The following DNAH2 variants were observed in gnomAD, a reference collection of about 807,000 sequenced individuals.
The protein encoded by DNAH2 is dynein axonemal heavy chain 2.
A neutral mutation model predicts 523.5 loss-of-function variants in DNAH2; 323 were observed. That is an observed-to-expected ratio of 0.62 (90% CI 0.56 to 0.68). The LOEUF (loss-of-function observed/expected upper bound fraction) is 0.68. Ranked by LOEUF, DNAH2 falls within the 30% of genes least tolerant of loss-of-function variation. DNAH2 has a pLI of 0.00. For synonymous variants in DNAH2, 2,093 were observed against 2,177.4 expected (o/e 0.96, Z 1.08); for missense variants, 4,907 against 5,701.5 (o/e 0.86, Z 4.49).
At chr17:7,759,644 C>A in intron 16 of DNAH2, 34 bp downstream of exon 16, 1 of 1,605,614 alleles carries the variant, frequency 6.2e-7, no homozygotes, top group Non-Finnish European at 8.5e-7. Context: ...ATCTCAAAAC[C>A]ATTGCATCTT....
At chr17:7,775,148 A>G in intron 29 of DNAH2, 93 bp from the exon 30 acceptor site, 1 of 1,338,958 alleles carries the variant, frequency 7.5e-7, no homozygotes, top group Admixed American at 2.1e-5. Flanking sequence ...AGGAGGGGAG[A>G]GGAGCAGTAA....
chr17:7,817,499 A>G, intron 65 of DNAH2, 62 bp from the exon 66 acceptor site: 1 of 1,613,406 alleles, frequency 6.2e-7, no homozygotes, highest in East Asian at 2.2e-5. Flanking sequence ...AGATACCGTG[A>G]AGGCGCGGGG....
chr17:7,749,308 C>CAAAAAAA (rs57660603), intron 12 of DNAH2, among the ~76,000 whole-genome samples: 1,719 of 17,732 alleles, frequency 0.097, 797 homozygotes, highest in Middle Eastern at 0.15. Flanking sequence ...AACTCCCCCC[C>CAAAAAAA]AAAAAAAAAA....
chr17:7,788,882 G>T (rs1332354851), intron 44 of DNAH2, among the ~76,000 whole-genome samples: 1 of 152,032 alleles, frequency 6.6e-6, no homozygotes, highest in Non-Finnish European at 1.5e-5. Flanking sequence ...TATGTAGATG[G>T]GGCTGGGCAC....
chr17:7,798,389 G>C lies in DNAH2; in HGVS notation c.8398+65G>C. On this transcript the variant is annotated intron_variant, in intron 54 of 85. Transcript: ENST00000572933. This position sits in a 1 kb window ranked among gnomAD's most constrained non-coding sequence, Gnocchi z 5.5. ...GATGCATACATTCCTGCAGTGACAA[G>C]AGAGGAGAGATGGCAGCCAGATGGG... is the stretch of plus-strand genomic sequence containing the variant. The C allele has an allele frequency of 6.4e-7, 1 of 1,554,880 alleles. No homozygotes were observed. The highest frequency in any genetic ancestry group is 8.7e-7 in the Non-Finnish European group (1 of 1,148,798).
chr17:7,750,447 T>C (rs936396518), intron 12 of DNAH2, among the ~76,000 whole-genome samples: 2 of 152,220 alleles, frequency 1.3e-5, no homozygotes, highest in African/African-American at 2.4e-5. Context: ...TTCCTCTTTT[T>C]TGGTTTACGC....
intron 7 of DNAH2, among the ~76,000 whole-genome samples, chr17:7,735,266 G>C (rs555229557): frequency 6.6e-6 from 1 of 152,006 alleles, no homozygotes; most frequent in South Asian, 2.1e-4. Context: ...GAGTAGCTGA[G>C]ATTACAGGTG....
chr17:7,787,148 G>A, intron 42 of DNAH2, 115 bp downstream of exon 42: 1 of 1,330,176 alleles, frequency 7.5e-7, no homozygotes, highest in Non-Finnish European at 1.0e-6. Context: ...GTGGGAGAGA[G>A]CTGAAAGGTG....
Position 7,765,515 on chromosome 17 carries a change from A to G in DNAH2, c.3461A>G (p.Asp1154Gly), listed in dbSNP as rs146516823. Residue 1154 changes from aspartate to glycine, a missense_variant, in exon 21 of 86, where the codon GAT becomes GGT. Asp to Gly is a moderately conservative substitution (Grantham distance 94). Coordinates refer to ENST00000572933, the MANE Select transcript of DNAH2 (RefSeq NM_020877.5). The stretch of plus-strand genomic sequence containing the variant: ...AAGACAGGCCTGATCCACTCGGCAG[A>G]TGACTTCAAGAAGAAAGCACATACA... ...KFKTGLIHSA[D>G]DFKKKAHTLL... 6.2e-7 allele frequency: 1 copy of G among 1,614,120 alleles called. No individual in the cohort carries two copies. The highest frequency in any genetic ancestry group is 1.3e-5 in the African/African-American group (1 of 74,950).
At chr17:7,825,532 G>A (rs922406589) in intron 77 of DNAH2, among the ~76,000 whole-genome samples, 3 of 152,014 alleles carry the variant, frequency 2.0e-5, no homozygotes, top group African/African-American at 7.2e-5. Context: ...TGCTTTCCCC[G>A]CTGTCTTTTG....
chr17:7,800,122 A>G (rs779426423), intron 56 of DNAH2, among the ~76,000 whole-genome samples: 7 of 151,956 alleles, frequency 4.6e-5, no homozygotes, highest in Non-Finnish European at 1.0e-4. Flanking sequence ...TGTGATCTCG[A>G]CTCACTGCAG....
intron 44 of DNAH2, among the ~76,000 whole-genome samples, chr17:7,789,679 C>T (rs144106780): frequency 4.6e-5 from 7 of 151,468 alleles, no homozygotes; most frequent in Middle Eastern, 3.4e-3. Flanking sequence ...CAGGTTCAAG[C>T]GATTCTCCTG....
Position 7,830,816 on chromosome 17 carries a change from C to G in DNAH2, c.12204C>G (p.Asp4068Glu), listed in dbSNP as rs1237348577. The G allele has an allele frequency of 6.2e-7, 1 of 1,614,060 alleles. No individual in the cohort carries two copies. Among genetic ancestry groups the G allele is most frequent in the South Asian group, 1.1e-5 (1 of 91,080 alleles). Residue 4068 changes from aspartate (D) to glutamate (E), a missense_variant, in exon 79 of 86, where the codon GAC becomes GAG. This residue lies in a region of DNAH2 where 1,851 missense variants were observed against 2,139.4 expected (regional missense o/e 0.87). Transcript: ENST00000572933. ...LTTYINDYFC[D>E]QSLSTPFHRL... ...CCTACATCAATGATTATTTCTGTGACCAGTCTCTATCAACTCCCTTCCACC... is the reference window on the plus strand; with the variant it reads ...CCTACATCAATGATTATTTCTGTGAGCAGTCTCTATCAACTCCCTTCCACC...
rs3833110 is a variant in DNAH2 at position 7,726,902 on chromosome 17, C to CTGTT, written c.229-198_229-195dup. 7.8e-4 allele frequency among the ~76,000 whole-genome samples: 118 copies of CTGTT among 152,202 alleles called. 1 individual carries two copies. The highest frequency in any genetic ancestry group is 1.7e-3 in the East Asian group (9 of 5,186). ...TAATATCCCAGTTTTCCTCTGTGAT[C>CTGTT]TGTTTGTTTGTTTGTTTGTTTGTTT... On this transcript the variant is annotated intron_variant, in intron 3 of 85. Coordinates refer to ENST00000572933, the MANE Select transcript of DNAH2 (RefSeq NM_020877.5).
At chr17:7,789,857 C>T (rs55808776) in intron 44 of DNAH2, among the ~76,000 whole-genome samples, 4,056 of 152,204 alleles carry the variant, frequency 0.027, 87 homozygotes, top group South Asian at 0.06. Flanking sequence ...GGATTACAGG[C>T]GTGAGCCACC....
chr17:7,740,091 A>T (rs1300346570), intron 9 of DNAH2, among the ~76,000 whole-genome samples, 153 bp downstream of exon 9: 1 of 44,974 alleles, frequency 2.2e-5, no homozygotes, highest in Admixed American at 2.6e-4. Flanking sequence ...GAGAGAGTGC[A>T]GGGGAGGGGG....
Position 7,798,960 on chromosome 17 carries a change from G to A in DNAH2, c.8560-143G>A. The A allele has an allele frequency of 8.1e-7, 1 of 1,234,616 alleles. No individual in the cohort carries two copies. The highest frequency in any genetic ancestry group is 1.4e-5 in the South Asian group (1 of 69,268). The allele number at this position is 1,234,616 out of a possible 1,614,324, so 76.5% of individuals were successfully genotyped here. On this transcript the variant is annotated intron_variant, in intron 55 of 85. Transcript: ENST00000572933. The surrounding 1 kb of genome is among the most constrained non-coding windows in gnomAD (Gnocchi z 5.5). ...GTAGTTCCAGCTACTCGGGGGTGGG[G>A]GGTGCTGAAGTGGGAGGATGGTTTG... is the stretch of plus-strand genomic sequence containing the variant.
chr17:7,741,480 C>T (rs913474216), intron 11 of DNAH2, among the ~76,000 whole-genome samples: 5 of 151,104 alleles, frequency 3.3e-5, no homozygotes, highest in African/African-American at 7.3e-5. Flanking sequence ...GCCTCAGCCT[C>T]CCGAGTAGCT....
intron 3 of DNAH2, among the ~76,000 whole-genome samples, chr17:7,724,742 CTT>C (rs57294591): frequency 7.7e-6 from 1 of 130,442 alleles, no homozygotes; most frequent in East Asian, 2.3e-4. Flanking sequence ...TCATATGTTA[CTT>C]TTTTTTTTTT....
Sources: allele counts gnomAD v4.1 joint callset (sites outside exome capture counted in the v4.1 genomes callset), GRCh38; gene constraint gnomAD v4.1.1; regional missense constraint gnomAD v4.1.1; non-coding constraint Gnocchi (gnomAD v3.1); transcripts MANE v1.5; gene names NCBI Gene and HGNC (gene_info 2026-07-23, HGNC 2026-07-21).